Variants in SH3GL1 observed in about 807,000 individuals in gnomAD.
SH3GL1 encodes the protein SH3 domain containing GRB2 like 1, endophilin A2.
Under a neutral mutation model 48.8 loss-of-function variants are expected in SH3GL1, and 21 were observed. The ratio of observed to expected loss-of-function variants is 0.43; its 90% CI spans 0.30 to 0.62. The LOEUF (loss-of-function observed/expected upper bound fraction) is 0.62. Among genes scored for constraint, SH3GL1 ranks in the 20% least tolerant of loss-of-function variants. SH3GL1 has a pLI of 0.11. For missense variants in SH3GL1, 454 were observed against 503.0 expected, an observed-to-expected ratio of 0.90 and a Z score of 0.93; for synonymous variants, 282 against 217.5, an observed-to-expected ratio of 1.30 and a Z score of -2.61.
Position 4,400,229 on chromosome 19 carries a change from T to C in SH3GL1, c.45+95A>G. The C allele has an allele frequency of 1.5e-6, 2 of 1,360,168 alleles. No individual in the cohort carries two copies. The highest frequency in any genetic ancestry group is 2.2e-5 in the Admixed American group (1 of 45,442). The allele number at this position is 1,360,168 out of a possible 1,614,324, so 84.3% of individuals were successfully genotyped here. ...ACACGCGCCAACGTCCCCACCTCGG[T>C]CCCCCCGGCCCCCTCCCGGGCCAGG... On this transcript the variant is annotated intron_variant, in intron 1 of 9. Transcript: ENST00000269886. This position sits in a 1 kb window ranked among gnomAD's most constrained non-coding sequence, Gnocchi z 4.1.
intron 1 of SH3GL1, chr19:4,390,055 G>A (rs1458242651): frequency 6.6e-6 from 1 of 152,382 alleles, no homozygotes; most frequent in African/African-American, 2.4e-5. Flanking sequence ...CCCTTACCCA[G>A]GTGTGGAACT....
chr19:4,390,778 A>G (rs1973323342), intron 1 of SH3GL1, among the ~76,000 whole-genome samples: 1 of 151,014 alleles, frequency 6.6e-6, no homozygotes, highest in Non-Finnish European at 1.5e-5. Context: ...TCCCCTTCCA[A>G]CCCTCCCGGC....
rs145014750 is a variant in SH3GL1, at chr19:4,388,961, A to G, written c.45+11363T>C. ...TTCAGAGCAGTCGGACCTGTTCCCA[A>G]CCGAGTTCTCCGAGGCCTTGTCAGC... On this transcript the variant is annotated intron_variant, in intron 1 of 9. Coordinates refer to ENST00000269886, the MANE Select transcript of SH3GL1 (RefSeq NM_003025.4). Among the ~76,000 whole-genome samples, 401 of 152,242 alleles carry G rather than the reference A, an allele frequency of 2.6e-3. 1 individual carries two copies. The highest frequency in any genetic ancestry group is 9.2e-3 in the African/African-American group (384 of 41,538).
chr19:4,364,907 TATATATA>T (rs1474293922), intron 4 of SH3GL1, among the ~76,000 whole-genome samples: 2 of 140,288 alleles, frequency 1.4e-5, no homozygotes, highest in South Asian at 2.2e-4. Context: ...TGTATATATA[TATATATA>T]TATTTTTTTT....
intron 7 of SH3GL1, 71 bp from the exon 8 acceptor site, chr19:4,362,807 C>T (rs969076794): frequency 6.2e-7 from 1 of 1,606,358 alleles, no homozygotes; most frequent in Admixed American, 1.7e-5. Flanking sequence ...TGTATTTATG[C>T]TGCTGCCTAA....
Position 4,360,687 on chromosome 19 carries a change from T to A in SH3GL1, c.*913A>T, listed in dbSNP as rs1220824939. 1 of 233,090 alleles carries A rather than the reference T, an allele frequency of 4.3e-6. No individual in the cohort carries two copies. Among genetic ancestry groups the A allele is most frequent in the Non-Finnish European group, 8.5e-6 (1 of 118,070 alleles). 14.4% of individuals were successfully genotyped at this position (233,090 alleles called of 1,614,324 possible). ...TGGGGCCACTTCCCACAGGGTGAAGTGGCAGCGGCTCAGCAAGGGGAGCCT... is the reference window on the plus strand; with the variant it reads ...TGGGGCCACTTCCCACAGGGTGAAGAGGCAGCGGCTCAGCAAGGGGAGCCT... On this transcript the variant is annotated 3_prime_UTR_variant, in exon 10 of 10. Coordinates refer to ENST00000269886, the MANE Select transcript of SH3GL1 (RefSeq NM_003025.4).
intron 9 of SH3GL1, 129 bp from the exon 10 acceptor site, chr19:4,361,925 C>A (rs1223452613): frequency 1.5e-6 from 1 of 671,146 alleles, no homozygotes; most frequent in East Asian, 2.7e-5. Context: ...GCCTGGGCCA[C>A]CCCCTGCCCC....
chr19:4,370,828 G>T (rs1972885059), intron 1 of SH3GL1, among the ~76,000 whole-genome samples: 1 of 152,252 alleles, frequency 6.6e-6, no homozygotes, highest in East Asian at 1.9e-4. Context: ...GAGAGGCCCC[G>T]GCTCAGTCAG....
At position 4,365,738 on chromosome 19, in the gene SH3GL1, C is replaced by T. The variant is rs1173460856; in HGVS notation, c.188-113G>A. ...CCTTGCTTCCTGTGCCTGTGGACAG[C>T]CTAGGCCACACAAAGCACAGTGGAA... On this transcript the variant is annotated intron_variant, in intron 3 of 9. Transcript: ENST00000269886. 1.9e-5 allele frequency: 28 copies of T among 1,444,310 alleles called. No homozygotes were observed. The South Asian group carries it at 2.6e-4, about 14-fold the overall frequency. The allele number at this position is 1,444,310 out of a possible 1,614,324, so 89.5% of individuals were successfully genotyped here.
At chr19:4,368,114 G>A (rs1972821410) in intron 1 of SH3GL1, among the ~76,000 whole-genome samples, 1 of 152,250 alleles carries the variant, frequency 6.6e-6, no homozygotes. Flanking sequence ...GTGCACACAC[G>A]GCCTGGGCAG....
chr19:4,375,039 G>A (rs1445360831), intron 1 of SH3GL1, among the ~76,000 whole-genome samples: 4 of 152,178 alleles, frequency 2.6e-5, no homozygotes, highest in Non-Finnish European at 5.9e-5. Flanking sequence ...GTCTGCCCAG[G>A]AGGCAGCAGA....
chr19:4,383,111 T>C (rs530298456), intron 1 of SH3GL1, among the ~76,000 whole-genome samples: 40 of 152,140 alleles, frequency 2.6e-4, no homozygotes, highest in Non-Finnish European at 4.9e-4. Context: ...AGAGGCAGGG[T>C]TTCACCATGT....
chr19:4,365,411 G>C, intron 4 of SH3GL1, 71 bp downstream of exon 4: 1 of 1,585,730 alleles, frequency 6.3e-7, no homozygotes, highest in Non-Finnish European at 8.6e-7. Flanking sequence ...GCAGGGCCTG[G>C]ACCTGCCCTG....
chr19:4,375,488 A>G (rs992473288), intron 1 of SH3GL1, among the ~76,000 whole-genome samples: 1 of 152,222 alleles, frequency 6.6e-6, no homozygotes, highest in Non-Finnish European at 1.5e-5. Context: ...CTACCTTCCC[A>G]GGAGACGGGA....
Position 4,389,570 on chromosome 19 carries a change from G to A in SH3GL1, c.45+10754C>T, listed in dbSNP as rs967154427. On this transcript the variant is annotated intron_variant, in intron 1 of 9. Coordinates refer to ENST00000269886, the MANE Select transcript of SH3GL1 (RefSeq NM_003025.4). This position sits in a 1 kb window ranked among gnomAD's most constrained non-coding sequence, Gnocchi z 4.5. ...CAAGGCAGGGGCTCCAGAAGCTCCC[G>A]AAATTCGGCTGAGAGCTTGAACTGT... is the stretch of plus-strand genomic sequence containing the variant. Among the ~76,000 whole-genome samples, 3 of 152,114 alleles carry A rather than the reference G, an allele frequency of 2.0e-5. No individual in the cohort carries two copies. Among genetic ancestry groups the A allele is most frequent in the Non-Finnish European group, 2.9e-5 (2 of 67,994 alleles).
intron 1 of SH3GL1, among the ~76,000 whole-genome samples, chr19:4,398,616 G>A (rs374269087): frequency 1.1e-3 from 163 of 151,798 alleles, no homozygotes; most frequent in African/African-American, 3.7e-3. Context: ...CAAGTGATCC[G>A]CCCGCCTCGG....
chr19:4,381,795 A>C (rs1302341828), intron 1 of SH3GL1, among the ~76,000 whole-genome samples: 3 of 142,306 alleles, frequency 2.1e-5, no homozygotes, highest in Admixed American at 7.0e-5. Flanking sequence ...CGGGTTCACA[A>C]CATTCTCCTG....
chr19:4,399,864 A>C lies in SH3GL1; in HGVS notation c.45+460T>G, dbSNP rs1475769146. 2.6e-5 allele frequency among the ~76,000 whole-genome samples: 4 copies of C among 152,310 alleles called. No individual in the cohort carries two copies. In the East Asian group the frequency reaches 5.8e-4, roughly 22 times the overall value. ...AGGGCTGGCTGCCCGAGGAGCAGAG[A>C]GGGGAAACTGACTTCTTCCTCTACC... On this transcript the variant is annotated intron_variant, in intron 1 of 9. Transcript: ENST00000269886.
At chr19:4,393,358 G>A (rs1445014359) in intron 1 of SH3GL1, among the ~76,000 whole-genome samples, 1 of 152,002 alleles carries the variant, frequency 6.6e-6, no homozygotes, top group African/African-American at 2.4e-5. Flanking sequence ...AGAGGCTCAC[G>A]CCTGTAATCC....
Sources: allele counts gnomAD v4.1 joint callset (sites outside exome capture counted in the v4.1 genomes callset), GRCh38; gene constraint gnomAD v4.1.1; non-coding constraint Gnocchi (gnomAD v3.1); transcripts MANE v1.5; gene names NCBI Gene and HGNC (gene_info 2026-07-23, HGNC 2026-07-21).